The following CEP126 variants were observed in gnomAD, a reference collection of about 807,000 sequenced individuals.
The protein encoded by CEP126 is centrosomal protein 126.
A neutral mutation model predicts 107.8 loss-of-function variants in CEP126; 74 were observed. That is an observed-to-expected ratio of 0.69 (90% CI 0.57 to 0.83). The LOEUF is 0.83. CEP126 is among the 40% of genes least tolerant of loss of function. The pLI is 0.00. For synonymous variants in CEP126, 449 were observed against 446.0 expected (o/e 1.01, Z -0.08); for missense variants, 1,237 against 1,281.9 (o/e 0.96, Z 0.53).
chr11:101,963,472 G>C lies in CEP126; in HGVS notation c.2437G>C (p.Gly813Arg). The C allele has an allele frequency of 2.5e-6, 4 of 1,613,928 alleles. No individual in the cohort carries two copies. The highest frequency in any genetic ancestry group is 3.4e-6 in the Non-Finnish European group (4 of 1,179,990). The change falls in exon 6 of 11, where the codon GGT becomes CGT. Residue 813 changes from glycine (G) to arginine (R), a missense_variant. Physicochemically the swap from Gly to Arg is moderately radical, Grantham distance 125. Around this residue, in one of 3 missense-constraint regions of CEP126, gnomAD observed 1,134 missense variants for 1,150.5 expected, o/e 0.99. Coordinates refer to ENST00000263468, the MANE Select transcript of CEP126 (RefSeq NM_020802.4). ...PPQSTSNIRS[G>R]KNIQVSQCQP... ...TCAATCTACATCAAATATTAGAAGT[G>C]GTAAAAATATACAAGTGTCTCAGTG... is the stretch of plus-strand genomic sequence containing the variant.
intron 9 of CEP126, among the ~76,000 whole-genome samples, chr11:101,992,154 A>T (rs547397253): frequency 2.6e-3 from 278 of 108,108 alleles, no homozygotes; most frequent in East Asian, 0.016. Context: ...AACTATTTTT[A>T]AAAAAAAATA....
chr11:101,956,642 T>C (rs1411033492), intron 4 of CEP126: 4 of 456,340 alleles, frequency 8.8e-6, no homozygotes, highest in South Asian at 6.2e-5. Flanking sequence ...TTCTCCATCC[T>C]TACCTCCTTC....
intron 1 of CEP126, among the ~76,000 whole-genome samples, chr11:101,920,884 G>A (rs1315086929): frequency 6.6e-6 from 1 of 152,144 alleles, no homozygotes; most frequent in Non-Finnish European, 1.5e-5. Flanking sequence ...GGGATTACAG[G>A]TGTGAGCCAC....
At chr11:101,965,048 G>C (rs539964739) in intron 6 of CEP126, among the ~76,000 whole-genome samples, 1 of 152,018 alleles carries the variant, frequency 6.6e-6, no homozygotes, top group East Asian at 1.9e-4. Context: ...GTTTTTGTGA[G>C]AGCAAAAAAA....
rs531480167 is a variant in CEP126 at position 101,993,251 on chromosome 11, G to A, written c.3309+409G>A. ...GTGGGCCCCAGTGTCTGTTGTTCCC[G>A]TCTTTGTGTTCATGTGTACTCAATG... On this transcript the variant is annotated intron_variant, in intron 10 of 10. Transcript: ENST00000263468. Among the ~76,000 whole-genome samples the A allele has an allele frequency of 4.8e-4, 73 of 152,156 alleles. 1 individual carries two copies. The highest frequency in any genetic ancestry group is 4.4e-3 in the South Asian group (21 of 4,816).
chr11:101,977,354 C>T (rs1014296459), intron 6 of CEP126, among the ~76,000 whole-genome samples: 11 of 151,772 alleles, frequency 7.2e-5, no homozygotes, highest in Non-Finnish European at 1.5e-4. Flanking sequence ...AAGAAAAGGC[C>T]GGGTGCAGTG....
At chr11:101,956,760 T>C (rs1292197412) in intron 4 of CEP126, 2 of 453,928 alleles carry the variant, frequency 4.4e-6, no homozygotes, top group Non-Finnish European at 8.8e-6. Flanking sequence ...TCTTCCTTTA[T>C]GATTTCCTCT....
intron 4 of CEP126, among the ~76,000 whole-genome samples, chr11:101,949,879 A>G (rs777757696): frequency 4.6e-5 from 7 of 152,238 alleles, no homozygotes; most frequent in Non-Finnish European, 5.9e-5. Flanking sequence ...GACGCTGGAC[A>G]GGTCCTGTGG....
intron 8 of CEP126, among the ~76,000 whole-genome samples, chr11:101,986,110 G>A (rs1031747712): frequency 1.3e-5 from 2 of 149,798 alleles, no homozygotes; most frequent in Non-Finnish European, 2.9e-5. Context: ...AGCCTCCCAA[G>A]TAGCTGGGAT....
chr11:101,931,016 A>G (rs913852225), intron 2 of CEP126, among the ~76,000 whole-genome samples: 1 of 152,202 alleles, frequency 6.6e-6, no homozygotes, highest in African/African-American at 2.4e-5. Flanking sequence ...TTCTCCTTCT[A>G]GCAGCTCCTT....
At position 101,922,704 on chromosome 11, in the gene CEP126, A is replaced by C; in HGVS notation, c.192A>C (p.Gln64His). 4 of 1,613,006 alleles carry C rather than the reference A, an allele frequency of 2.5e-6. No individual in the cohort carries two copies. The highest frequency in any genetic ancestry group is 3.4e-6 in the Non-Finnish European group (4 of 1,179,152). The change falls in exon 2 of 11, where the codon CAA (glutamine) becomes CAC (histidine). Residue 64 changes from glutamine to histidine, a missense_variant. Around this residue, in one of 3 missense-constraint regions of CEP126, gnomAD observed 1,134 missense variants for 1,150.5 expected, o/e 0.99. Transcript: ENST00000263468. Reference protein sequence around the residue: ...EEERQILLQQQKICRNRARKY... With the variant: ...EEERQILLQQHKICRNRARKY... The stretch of plus-strand genomic sequence containing the variant: ...AGCGCCAGATATTACTGCAGCAACA[A>C]AAAATATGTCGAAATCGAGCACGTA...
intron 2 of CEP126, among the ~76,000 whole-genome samples, chr11:101,935,234 A>G (rs1382378491): frequency 3.3e-5 from 5 of 151,916 alleles, no homozygotes; most frequent in Non-Finnish European, 7.4e-5. Context: ...ATAGATATCT[A>G]TATATATATT....
chr11:101,925,700 A>G (rs1343904470), intron 2 of CEP126, among the ~76,000 whole-genome samples: 2 of 16 alleles, frequency 0.12, no homozygotes, highest in African/African-American at 0.25. Context: ...CTCAGGAGGC[A>G]GAGGGTGCAG....
At chr11:101,955,763 C>T (rs1320733493) in intron 4 of CEP126, 3 of 402,766 alleles carry the variant, frequency 7.4e-6, no homozygotes, top group Admixed American at 5.7e-5. Context: ...TCTCTGCCTG[C>T]CTGTCCAAAT....
chr11:101,963,434 C>T lies in CEP126; in HGVS notation c.2399C>T (p.Pro800Leu). The T allele has an allele frequency of 6.2e-7, 1 of 1,614,022 alleles. No individual in the cohort carries two copies. Among genetic ancestry groups the T allele is most frequent in the Non-Finnish European group, 8.5e-7 (1 of 1,180,000 alleles). Residue 800 changes from proline (P) to leucine (L), a missense_variant, in exon 6 of 11, where the codon CCT becomes CTT. By Grantham distance (98) the Pro-to-Leu change is moderately conservative (BLOSUM62 -3). Coordinates refer to ENST00000263468, the MANE Select transcript of CEP126 (RefSeq NM_020802.4). Reference sequence around the variant, plus strand: ...CAAGCTCAGGGAAAATTAATTATACCTTGTCCTCCTCCTCAATCTACATCA... The same window carrying T: ...CAAGCTCAGGGAAAATTAATTATACTTTGTCCTCCTCCTCAATCTACATCA... The part of the protein sequence containing the change: ...FTQAQGKLII[P>L]CPPPQSTSNI...
chr11:101,927,554 C>T (rs973441344), intron 2 of CEP126, among the ~76,000 whole-genome samples: 2 of 152,138 alleles, frequency 1.3e-5, no homozygotes, highest in African/African-American at 4.8e-5. Context: ...TATAGCCACA[C>T]CTACTTCTCT....
chr11:101,928,348 G>A (rs1383360516), intron 2 of CEP126, among the ~76,000 whole-genome samples: 1 of 152,090 alleles, frequency 6.6e-6, no homozygotes, highest in Non-Finnish European at 1.5e-5. Context: ...CTCTTCCGGA[G>A]CAGAAGTTTT....
intron 4 of CEP126, among the ~76,000 whole-genome samples, chr11:101,948,415 A>G (rs1940768195): frequency 6.6e-6 from 1 of 152,176 alleles, no homozygotes; most frequent in African/African-American, 2.4e-5. Context: ...CTTTTTAAAT[A>G]TTGATATTGA....
intron 10 of CEP126, 133 bp downstream of exon 10, chr11:101,992,975 C>T (rs1274901): frequency 0.5 from 438,400 of 875,770 alleles, 112,722 homozygotes; most frequent in East Asian, 0.76. Flanking sequence ...TTCTCCTCAA[C>T]TGGCTTTTTA....
Sources: allele counts gnomAD v4.1 joint callset (sites outside exome capture counted in the v4.1 genomes callset), GRCh38; gene constraint gnomAD v4.1.1; regional missense constraint gnomAD v4.1.1; transcripts MANE v1.5; gene names NCBI Gene and HGNC (gene_info 2026-07-23, HGNC 2026-07-21).